The following MSI2 variants were observed in gnomAD, a reference collection of about 807,000 sequenced individuals.
MSI2 encodes RNA-binding protein Musashi homolog 2.
In MSI2, 17 loss-of-function variants were observed where a neutral mutation model predicts 45.6. The observed-to-expected ratio is 0.37, with a 90% CI of 0.26 to 0.56. The LOEUF (loss-of-function observed/expected upper bound fraction) is 0.56, where lower values mean the gene tolerates loss of function less well. Among genes scored for constraint, MSI2 ranks in the 20% least tolerant of loss-of-function variants. The probability of loss-of-function intolerance (pLI) is 0.77; values close to 1 mark genes in which losing one functional copy is unlikely to be tolerated. For synonymous variants in MSI2, 156 were observed against 158.2 expected (o/e 0.99, Z 0.11); for missense variants, 293 against 444.2 (o/e 0.66, Z 3.06).
At chr17:57,413,742 T>TG in intron 6 of MSI2, among the ~76,000 whole-genome samples, 1 of 151,638 alleles carries the variant, frequency 6.6e-6, no homozygotes, top group East Asian at 1.9e-4. Flanking sequence ...TATTAAGGGG[T>TG]GGAAAGATGT....
intron 7 of MSI2, among the ~76,000 whole-genome samples, chr17:57,594,811 C>T (rs576498180): frequency 1.1e-4 from 17 of 152,278 alleles, no homozygotes; most frequent in African/African-American, 2.6e-4. Context: ...GGGAGAAACT[C>T]GGCATCTTTG....
intron 5 of MSI2, among the ~76,000 whole-genome samples, chr17:57,377,162 T>C (rs528054499): frequency 7.9e-4 from 120 of 152,282 alleles, no homozygotes; most frequent in South Asian, 2.3e-3. Flanking sequence ...CCTTGTGATC[T>C]GCCCACCTTG....
At chr17:57,401,625 G>T (rs2083992893) in intron 6 of MSI2, among the ~76,000 whole-genome samples, 154 bp downstream of exon 6, 1 of 152,232 alleles carries the variant, frequency 6.6e-6, no homozygotes, top group African/African-American at 2.4e-5. Flanking sequence ...TTCAGCAGAA[G>T]CTGAGATGGA....
At chr17:57,670,603 C>T (rs1403970252) in intron 11 of MSI2, among the ~76,000 whole-genome samples, 1 of 152,246 alleles carries the variant, frequency 6.6e-6, no homozygotes. Context: ...TCTCCTCTTG[C>T]CGTCCTCGGT....
At chr17:57,465,098 A>G (rs536568379) in intron 6 of MSI2, among the ~76,000 whole-genome samples, 1 of 152,314 alleles carries the variant, frequency 6.6e-6, no homozygotes, top group Admixed American at 6.5e-5. Flanking sequence ...TAAGCATGTG[A>G]TATTATTATC....
intron 13 of MSI2, among the ~76,000 whole-genome samples, chr17:57,678,500 G>A (rs1340783862): frequency 2.0e-5 from 3 of 152,222 alleles, no homozygotes; most frequent in Non-Finnish European, 4.4e-5. Flanking sequence ...CCTTTGTGGA[G>A]TCAGATGAAG....
chr17:57,309,304 T>C (rs1912173183), intron 5 of MSI2, among the ~76,000 whole-genome samples: 1 of 152,218 alleles, frequency 6.6e-6, no homozygotes, highest in Non-Finnish European at 1.5e-5. Flanking sequence ...AGCTGGAAGC[T>C]GTGTTCAGAG....
intron 5 of MSI2, among the ~76,000 whole-genome samples, chr17:57,276,625 C>G (rs2143329099): frequency 6.6e-6 from 1 of 152,314 alleles, no homozygotes; most frequent in African/African-American, 2.4e-5. Flanking sequence ...GACCAGAGTG[C>G]CTGGGTGGGT....
rs112693744 is a variant in MSI2 at position 57,652,409 on chromosome 17, G to GA, written c.790+258dup. On this transcript the variant is annotated intron_variant, in intron 11 of 13. Transcript: ENST00000284073. This position sits in a 1 kb window ranked among gnomAD's most constrained non-coding sequence, Gnocchi z 4.1. The stretch of plus-strand genomic sequence containing the variant: ...AAAGGCAGATTATTATTCTCTCCTT[G>GA]AAAAAAAAAACAAACCTGAGTTTCT... 1.9e-4 allele frequency among the ~76,000 whole-genome samples: 28 copies of GA among 147,636 alleles called. No individual in the cohort carries two copies. Among genetic ancestry groups the GA allele is most frequent in the Non-Finnish European group, 2.4e-4 (16 of 66,512 alleles).
At chr17:57,266,795 G>A (rs6503800) in intron 5 of MSI2, 71,851 of 152,214 alleles carry the variant, frequency 0.47, 20,113 homozygotes, top group African/African-American at 0.79. Flanking sequence ...AACGAACTGA[G>A]TCCAGCCTGC....
chr17:57,561,515 C>T (rs1328279949), intron 7 of MSI2, among the ~76,000 whole-genome samples: 1 of 152,224 alleles, frequency 6.6e-6, no homozygotes, highest in Non-Finnish European at 1.5e-5. Flanking sequence ...CACCTCCACC[C>T]CCACCTGACC....
At chr17:57,273,684 C>A (rs1567729216) in intron 5 of MSI2, among the ~76,000 whole-genome samples, 1 of 152,184 alleles carries the variant, frequency 6.6e-6, no homozygotes, top group African/African-American at 2.4e-5. Context: ...GCCACGTCAT[C>A]CTGTTTGCTC....
Position 57,683,420 on chromosome 17 carries a change from G to T in MSI2, c.*3903G>T. 1 of 228,688 alleles carries T rather than the reference G, an allele frequency of 4.4e-6. No individual in the cohort carries two copies. The highest frequency in any genetic ancestry group is 8.7e-6 in the Non-Finnish European group (1 of 115,284). The allele number at this position is 228,688 out of a possible 1,614,324, so 14.2% of individuals were successfully genotyped here. On this transcript the variant is annotated 3_prime_UTR_variant, in exon 14 of 14. Transcript: ENST00000284073. This position sits in a 1 kb window ranked among gnomAD's most constrained non-coding sequence, Gnocchi z 5.2. Reference sequence around the variant, plus strand: ...AAAACAAAACCTATTTTGATCTTTAGTGCAAACGAGGGCTAGGGACTTAGC... The same window carrying T: ...AAAACAAAACCTATTTTGATCTTTATTGCAAACGAGGGCTAGGGACTTAGC...
At chr17:57,365,794 G>A (rs1917144269) in intron 5 of MSI2, among the ~76,000 whole-genome samples, 1 of 152,164 alleles carries the variant, frequency 6.6e-6, no homozygotes, top group Non-Finnish European at 1.5e-5. Flanking sequence ...AGTATACCTG[G>A]TGCTGTTCAG....
chr17:57,273,917 C>T (rs1908628268), intron 5 of MSI2, among the ~76,000 whole-genome samples: 1 of 152,164 alleles, frequency 6.6e-6, no homozygotes, highest in Non-Finnish European at 1.5e-5. Flanking sequence ...CAGACAAAAC[C>T]CCCAAGTGTC....
chr17:57,577,221 C>T (rs1347059602), intron 7 of MSI2, among the ~76,000 whole-genome samples: 1 of 152,196 alleles, frequency 6.6e-6, no homozygotes, highest in Non-Finnish European at 1.5e-5. Flanking sequence ...AAAGGCTGAT[C>T]CTTGGGCTGA....
At chr17:57,534,226 G>C (rs2086877515) in intron 7 of MSI2, among the ~76,000 whole-genome samples, 1 of 152,242 alleles carries the variant, frequency 6.6e-6, no homozygotes, top group African/African-American at 2.4e-5. Context: ...CATTGTGCAA[G>C]GTAACTGGTT....
At chr17:57,278,966 A>G (rs1909149750) in intron 5 of MSI2, 2 of 152,116 alleles carry the variant, frequency 1.3e-5, no homozygotes, top group East Asian at 1.9e-4. Context: ...GGACGCCAGT[A>G]CTTGTGTGGA....
At chr17:57,441,449 A>AT (rs1315744122) in intron 6 of MSI2, among the ~76,000 whole-genome samples, 1 of 151,850 alleles carries the variant, frequency 6.6e-6, no homozygotes, top group Non-Finnish European at 1.5e-5. Flanking sequence ...TGGGAGGTAG[A>AT]TTTTTTTTCA....
Sources: allele counts gnomAD v4.1 joint callset (sites outside exome capture counted in the v4.1 genomes callset), GRCh38; gene constraint gnomAD v4.1.1; non-coding constraint Gnocchi (gnomAD v3.1); transcripts MANE v1.5; gene names NCBI Gene and HGNC (gene_info 2026-07-23, HGNC 2026-07-21).